The following KCTD19 variants were observed in gnomAD, a reference collection of about 807,000 sequenced individuals.
KCTD19 encodes the protein potassium channel tetramerization domain containing 19, also known as BTB/POZ domain-containing protein KCTD19.
A neutral mutation model predicts 103.5 loss-of-function variants in KCTD19; 67 were observed. The observed-to-expected ratio is 0.65, with a 90% CI of 0.53 to 0.79. The LOEUF (loss-of-function observed/expected upper bound fraction) is 0.79, where lower values mean the gene tolerates loss of function less well. KCTD19 is among the 30% of genes least tolerant of loss of function. The pLI is 0.00. For synonymous variants in KCTD19, 439 were observed against 452.2 expected (o/e 0.97, Z 0.37); for missense variants, 980 against 1,136.1 (o/e 0.86, Z 1.98).
In KCTD19 at chr16:67,326,723, A is replaced by C; in HGVS notation, c.-16T>G. On this transcript the variant is annotated 5_prime_UTR_variant, in exon 1 of 16. Coordinates refer to ENST00000304372, the MANE Select transcript of KCTD19 (RefSeq NM_001100915.3). ...TCCGTACCATGGTCGCGGCTCCAGC[A>C]GCGGGCGGGCGGGCTTGTGACCCGG... is the stretch of plus-strand genomic sequence containing the variant. 4 of 1,574,258 alleles carry C rather than the reference A, an allele frequency of 2.5e-6. No homozygotes were observed. Among genetic ancestry groups the C allele is most frequent in the Non-Finnish European group, 3.4e-6 (4 of 1,165,430 alleles).
At position 67,293,342 on chromosome 16, in the gene KCTD19, C is replaced by A. The variant is rs2036721238; in HGVS notation, c.2218+202G>T. 6.6e-6 allele frequency among the ~76,000 whole-genome samples: 1 copy of A among 152,178 alleles called. No homozygotes were observed. The highest frequency in any genetic ancestry group is 1.5e-5 in the Non-Finnish European group (1 of 68,018). ...GCACCTCCTTCCCACAGCACTCATC[C>A]CTTCGCCGTGTGTGTTCTCCTGGCC... On this transcript the variant is annotated intron_variant, in intron 12 of 15. Transcript: ENST00000304372. This position sits in a 1 kb window ranked among gnomAD's most constrained non-coding sequence, Gnocchi z 4.0.
intron 11 of KCTD19, 111 bp downstream of exon 11, chr16:67,294,469 T>C: frequency 1.3e-6 from 1 of 771,116 alleles, no homozygotes; most frequent in Non-Finnish European, 2.2e-6. Context: ...ATGTAGGCTC[T>C]GCTCTTTCAT....
intron 2 of KCTD19, among the ~76,000 whole-genome samples, chr16:67,310,260 G>A (rs1200082092): frequency 6.6e-6 from 1 of 152,102 alleles, no homozygotes; most frequent in African/African-American, 2.4e-5. Flanking sequence ...TGGCTGTTTT[G>A]TCCTCTGCCG....
At position 67,313,195 on chromosome 16, in the gene KCTD19, C is replaced by T. The variant is rs536733961; in HGVS notation, c.300+7394G>A. Among the ~76,000 whole-genome samples the T allele has an allele frequency of 3.9e-5, 6 of 152,008 alleles. No individual in the cohort carries two copies. The East Asian group carries it at 7.7e-4, about 20-fold the overall frequency. ...TGCGATCTCAGCTCACTGCAACCAC[C>T]GTCTCCTAGGTTCAAGCGATTCTCT... On this transcript the variant is annotated intron_variant, in intron 2 of 15. Coordinates refer to ENST00000304372, the MANE Select transcript of KCTD19 (RefSeq NM_001100915.3).
chr16:67,317,648 T>A (rs893766167), intron 2 of KCTD19, among the ~76,000 whole-genome samples: 2 of 152,210 alleles, frequency 1.3e-5, no homozygotes, highest in Non-Finnish European at 2.9e-5. Context: ...ACTTTGAATA[T>A]ACAGTTAATA....
intron 12 of KCTD19, among the ~76,000 whole-genome samples, chr16:67,292,481 T>C (rs1292894409): frequency 6.6e-6 from 1 of 152,220 alleles, no homozygotes; most frequent in Non-Finnish European, 1.5e-5. Context: ...TGGAAATCTT[T>C]ATAAAATTTT....
intron 2 of KCTD19, among the ~76,000 whole-genome samples, chr16:67,315,820 G>T (rs994818142): frequency 1.3e-5 from 2 of 151,626 alleles, no homozygotes; most frequent in Non-Finnish European, 2.9e-5. Flanking sequence ...TCTCTATGTT[G>T]GCCAGGCTGG....
chr16:67,315,642 C>T (rs369392659), intron 2 of KCTD19, among the ~76,000 whole-genome samples: 11 of 152,176 alleles, frequency 7.2e-5, no homozygotes, highest in South Asian at 2.1e-4. Flanking sequence ...ACACCATGCC[C>T]GGCTAATTTT....
chr16:67,322,298 C>CT (rs565832620), intron 1 of KCTD19, among the ~76,000 whole-genome samples: 1,787 of 138,246 alleles, frequency 0.013, 24 homozygotes, highest in Non-Finnish European at 0.02. Context: ...ACTATAAAAT[C>CT]TTTTTTTTTT....
At chr16:67,307,160 T>C (rs752827114) in intron 2 of KCTD19, among the ~76,000 whole-genome samples, 9 of 152,254 alleles carry the variant, frequency 5.9e-5, no homozygotes, top group South Asian at 2.1e-4. Flanking sequence ...CGTCATTTTT[T>C]TTTTTTGAGA....
chr16:67,302,465 G>A (rs1052698742), intron 4 of KCTD19: 1 of 157,640 alleles, frequency 6.3e-6, no homozygotes, highest in Non-Finnish European at 1.4e-5. Flanking sequence ...CAGACATTTG[G>A]GCTCCTAGTG....
Position 67,315,407 on chromosome 16 carries a change from G to A in KCTD19, c.300+5182C>T, listed in dbSNP as rs143830686. 4.1e-4 allele frequency among the ~76,000 whole-genome samples: 62 copies of A among 151,540 alleles called. 1 individual carries two copies. The highest frequency in any genetic ancestry group is 3.9e-3 in the East Asian group (20 of 5,156). ...TGCAACCTCCACATCCTGGATTCAA[G>A]CGACACTCCTGCCTCAGCCTCCACA... On this transcript the variant is annotated intron_variant, in intron 2 of 15. Coordinates refer to ENST00000304372, the MANE Select transcript of KCTD19 (RefSeq NM_001100915.3).
Position 67,291,832 on chromosome 16 carries a change from G to T in KCTD19, c.2224C>A (p.Pro742Thr), listed in dbSNP as rs1429250265. Reference protein sequence around the residue: ...SKQRTKERESPAPEQPLPEAS... With the variant: ...SKQRTKERESTAPEQPLPEAS... ...TCGGGCAGAGGCTGCTCAGGGGCAG[G>T]GCTTTCTGTGAAAACAACATAGGGA... Residue 742 changes from proline (P) to threonine (T), a missense_variant, in exon 13 of 16, where the codon CCT (proline) becomes ACT (threonine). By Grantham distance (38) the Pro-to-Thr change is conservative (BLOSUM62 -1). Coordinates refer to ENST00000304372, the MANE Select transcript of KCTD19 (RefSeq NM_001100915.3). 6.3e-7 allele frequency: 1 copy of T among 1,588,964 alleles called. No individual in the cohort carries two copies. Among genetic ancestry groups the T allele is most frequent in the East Asian group, 2.3e-5 (1 of 44,248 alleles).
At chr16:67,305,002 T>G (rs2036877965) in intron 2 of KCTD19, among the ~76,000 whole-genome samples, 1 of 152,112 alleles carries the variant, frequency 6.6e-6, no homozygotes. Context: ...AATTAGGCAG[T>G]CACACAAAAA....
chr16:67,314,824 TATATATAG>T (rs1270045707), intron 2 of KCTD19, among the ~76,000 whole-genome samples: 235 of 61,128 alleles, frequency 3.8e-3, no homozygotes, highest in Admixed American at 3.6e-3. Context: ...TATATATATA[TATATATAG>T]AGAGAGAGAG....
rs546207857 is a variant in KCTD19 at position 67,307,799 on chromosome 16, A to G, written c.301-3228T>C. On this transcript the variant is annotated intron_variant, in intron 2 of 15. Transcript: ENST00000304372. ...TTTTCTTTGTGATGGAAACATTCCA[A>G]TGATTTTCTTCTAGCTAGTTTGAAA... Among the ~76,000 whole-genome samples the G allele has an allele frequency of 1.1e-4, 17 of 152,298 alleles. No individual in the cohort carries two copies. In the South Asian group the frequency reaches 2.9e-3, roughly 26 times the overall value.
At chr16:67,289,900 T>C (rs1350271002) in intron 15 of KCTD19, among the ~76,000 whole-genome samples, 1 of 152,224 alleles carries the variant, frequency 6.6e-6, no homozygotes, top group Non-Finnish European at 1.5e-5. Context: ...TTCAAAAATC[T>C]GTTTCCTGCT....
intron 8 of KCTD19, 147 bp downstream of exon 8, chr16:67,296,012 G>A: frequency 3.2e-6 from 2 of 626,520 alleles, no homozygotes; most frequent in South Asian, 3.5e-5. Context: ...CAAAGTGCTG[G>A]GATTACAGGC....
rs758211611 is a variant in KCTD19, at chr16:67,301,870, A to C, written c.696T>G (p.Ile232Met). 52 of 1,612,946 alleles carry C rather than the reference A, an allele frequency of 3.2e-5. 1 individual carries two copies. In the South Asian group the frequency reaches 5.5e-4, roughly 17 times the overall value. Reference sequence around the variant, plus strand: ...TTTCCACTTCTGCTTCTAATACATCAATGTTGGAGAAATTATCCGGTAGTA... The same window carrying C: ...TTTCCACTTCTGCTTCTAATACATCCATGTTGGAGAAATTATCCGGTAGTA... ...KILLPDNFSNIDVLEAEVEIL... is the reference protein window; with the variant it reads ...KILLPDNFSNMDVLEAEVEIL... The change falls in exon 5 of 16, where the codon ATT becomes ATG. Residue 232 changes from isoleucine (I) to methionine (M), a missense_variant. By Grantham distance (10) the Ile-to-Met change is conservative. Coordinates refer to ENST00000304372, the MANE Select transcript of KCTD19 (RefSeq NM_001100915.3).
Sources: allele counts gnomAD v4.1 joint callset (sites outside exome capture counted in the v4.1 genomes callset), GRCh38; gene constraint gnomAD v4.1.1; non-coding constraint Gnocchi (gnomAD v3.1); transcripts MANE v1.5; gene names NCBI Gene and HGNC (gene_info 2026-07-23, HGNC 2026-07-21).